Variants in GPR137B observed in about 807,000 individuals in gnomAD.
The protein encoded by GPR137B is integral membrane protein GPR137B.
Under a neutral mutation model 42.5 loss-of-function variants are expected in GPR137B, and 42 were observed. The observed-to-expected ratio is 0.99, with a 90% CI of 0.77 to 1.28. The LOEUF is 1.28. GPR137B is among the 50% of genes most tolerant of loss of function. GPR137B has a pLI of 0.00. For synonymous variants in GPR137B, 218 were observed against 209.7 expected (o/e 1.04, Z -0.34); for missense variants, 487 against 493.9 (o/e 0.99, Z 0.13).
intron 5 of GPR137B, among the ~76,000 whole-genome samples, chr1:236,190,657 G>A (rs914885035): frequency 2.2e-5 from 3 of 139,458 alleles, no homozygotes; most frequent in African/African-American, 7.6e-5. Context: ...TTGAATATTG[G>A]CCCCCACTCT....
In GPR137B at chr1:236,168,758, A is replaced by G; in HGVS notation, c.464+3A>G. 6.3e-7 allele frequency: 1 copy of G among 1,591,642 alleles called. No homozygotes were observed. Among genetic ancestry groups the G allele is most frequent in the Non-Finnish European group, 8.6e-7 (1 of 1,159,486 alleles). ...TCTCCAGAATTACTCAAATACCGGT[A>G]AGTACTGCAGGGCATCTCTTTCTGT... On this transcript the variant is annotated splice_donor_region_variant and intron_variant, in intron 2 of 6. Coordinates refer to ENST00000366592, the MANE Select transcript of GPR137B (RefSeq NM_003272.4).
intron 1 of GPR137B, among the ~76,000 whole-genome samples, chr1:236,159,207 G>A (rs1454144343): frequency 6.6e-6 from 1 of 152,122 alleles, no homozygotes; most frequent in Non-Finnish European, 1.5e-5. Flanking sequence ...CAGCTACTCA[G>A]GAAGTTAAGG....
intron 5 of GPR137B, among the ~76,000 whole-genome samples, chr1:236,192,015 A>T (rs2102920023): frequency 6.6e-6 from 1 of 152,220 alleles, no homozygotes; most frequent in Middle Eastern, 3.4e-3. Context: ...TTTTTCAGAG[A>T]TGCCCTGCCC....
At chr1:236,203,698 A>G (rs1159848033) in intron 5 of GPR137B, among the ~76,000 whole-genome samples, 2 of 152,066 alleles carry the variant, frequency 1.3e-5, no homozygotes, top group Admixed American at 1.3e-4. Flanking sequence ...GTTTCTTTAA[A>G]TGTTTTATAG....
intron 5 of GPR137B, among the ~76,000 whole-genome samples, chr1:236,188,640 G>A (rs188857750): frequency 2.7e-4 from 41 of 152,224 alleles, no homozygotes; most frequent in African/African-American, 7.9e-4. Flanking sequence ...TGTGTATGTC[G>A]AACCAGCCTT....
intron 1 of GPR137B, among the ~76,000 whole-genome samples, chr1:236,160,191 C>G (rs193187714): frequency 3.9e-5 from 6 of 152,302 alleles, no homozygotes; most frequent in Admixed American, 2.0e-4. Context: ...TCCTTCAGGC[C>G]TGATTCTGCT....
intron 5 of GPR137B, among the ~76,000 whole-genome samples, chr1:236,194,554 T>TATTAACCTA (rs1663285477): frequency 6.6e-6 from 1 of 152,222 alleles, no homozygotes; most frequent in Non-Finnish European, 1.5e-5. Context: ...TTCTATTAAC[T>TATTAACCTA]TTTAAATAGG....
At chr1:236,206,052 AATG>A (rs1462789740) in intron 6 of GPR137B, among the ~76,000 whole-genome samples, 1 of 152,204 alleles carries the variant, frequency 6.6e-6, no homozygotes, top group East Asian at 1.9e-4. Flanking sequence ...TTCAAATTTG[AATG>A]ATGTCAGTTC....
chr1:236,186,289 A>AATATATAATATATT (rs1663030171), intron 5 of GPR137B, among the ~76,000 whole-genome samples: 1 of 95,730 alleles, frequency 1.0e-5, no homozygotes, highest in Non-Finnish European at 1.9e-5. Context: ...TAATATAAAT[A>AATATATAATATATT]ATATATAATA....
chr1:236,208,581 C>G lies in GPR137B; in HGVS notation c.*423C>G. 1.0e-6 allele frequency: 1 copy of G among 965,710 alleles called. No homozygotes were observed. 59.8% of individuals were successfully genotyped at this position (965,710 alleles called of 1,614,324 possible). ...TTTAAAGCTTTTGGACTAAAGTATT[C>G]CACAAATCTTACCTCTTTAGGTCAC... On this transcript the variant is annotated 3_prime_UTR_variant, in exon 7 of 7. Transcript: ENST00000366592.
intron 1 of GPR137B, among the ~76,000 whole-genome samples, chr1:236,162,559 G>A (rs1414992942): frequency 6.6e-6 from 1 of 152,170 alleles, no homozygotes; most frequent in African/African-American, 2.4e-5. Flanking sequence ...AGTCCCTTTT[G>A]TGGGCTGGGC....
chr1:236,164,024 C>T (rs1662273824), intron 1 of GPR137B, among the ~76,000 whole-genome samples: 1 of 151,320 alleles, frequency 6.6e-6, no homozygotes, highest in African/African-American at 2.4e-5. Context: ...TCACACTTTT[C>T]AGCACCTCCT....
intron 5 of GPR137B, among the ~76,000 whole-genome samples, chr1:236,186,269 T>TAATATAAATAATATATAA: frequency 2.9e-5 from 2 of 69,978 alleles, no homozygotes; most frequent in African/African-American, 1.2e-4. Flanking sequence ...ATATTATATA[T>TAATATAAATAATATATAA]TATATATAAT....
At chr1:236,153,556 C>T (rs1017334339) in intron 1 of GPR137B, among the ~76,000 whole-genome samples, 2 of 152,166 alleles carry the variant, frequency 1.3e-5, no homozygotes, top group Admixed American at 6.5e-5. Flanking sequence ...TCATCATGCG[C>T]GTTTGAGTGC....
chr1:236,207,656 C>T (rs561976876), intron 6 of GPR137B, among the ~76,000 whole-genome samples: 16 of 152,296 alleles, frequency 1.1e-4, no homozygotes, highest in African/African-American at 2.6e-4. Context: ...AGGCCCACGA[C>T]GTAGTTACTA....
At chr1:236,183,672 A>G (rs1662944312) in intron 4 of GPR137B, 106 bp from the exon 5 acceptor site, 10 of 704,594 alleles carry the variant, frequency 1.4e-5, no homozygotes, top group Non-Finnish European at 2.4e-5. Context: ...AGGGGAATGA[A>G]TTGTACTAGA....
intron 3 of GPR137B, among the ~76,000 whole-genome samples, 173 bp downstream of exon 3, chr1:236,178,809 T>TTTTTTTTTTTTTTTTTA (rs1662778839): frequency 8.9e-6 from 1 of 112,650 alleles, no homozygotes; most frequent in Admixed American, 9.3e-5. Flanking sequence ...TTTTTTTTTT[T>TTTTTTTTTTTTTTTTTA]TTTTTTGAGA....
At chr1:236,191,301 G>A (rs1235818131) in intron 5 of GPR137B, among the ~76,000 whole-genome samples, 2 of 152,022 alleles carry the variant, frequency 1.3e-5, no homozygotes, top group East Asian at 1.9e-4. Context: ...TCTTTAGCTC[G>A]GAGGAGTTTA....
At chr1:236,192,682 C>T (rs1285417900) in intron 5 of GPR137B, among the ~76,000 whole-genome samples, 2 of 152,110 alleles carry the variant, frequency 1.3e-5, no homozygotes, top group Non-Finnish European at 2.9e-5. Flanking sequence ...ACCGTCCAAG[C>T]AGTCCCAGTG....
Sources: allele counts gnomAD v4.1 joint callset (sites outside exome capture counted in the v4.1 genomes callset), GRCh38; gene constraint gnomAD v4.1.1; transcripts MANE v1.5; gene names NCBI Gene and HGNC (gene_info 2026-07-23, HGNC 2026-07-21).